Variants in NCOA2 observed in about 807,000 individuals in gnomAD.
The protein encoded by NCOA2 is nuclear receptor coactivator 2.
A neutral mutation model predicts 145.1 loss-of-function variants in NCOA2; 21 were observed. The observed-to-expected ratio is 0.14, with a 90% CI of 0.10 to 0.21. The LOEUF is 0.21. NCOA2 is among the 10% of genes least tolerant of loss of function. NCOA2 has a pLI of 1.00. For synonymous variants in NCOA2, 619 were observed against 637.5 expected (o/e 0.97, Z 0.44); for missense variants, 1,472 against 1,837.6 (o/e 0.80, Z 3.64).
Position 70,156,713 on chromosome 8 carries a change from G to A in NCOA2, c.1652C>T (p.Ser551Leu), listed in dbSNP as rs1326925977. 15 of 1,613,826 alleles carry A rather than the reference G, an allele frequency of 9.3e-6. No homozygotes were observed. The highest frequency in any genetic ancestry group is 2.2e-5 in the East Asian group (1 of 44,884). ...CATTTTTAGGTCTGGTGAAGCCAACGATGACCCTAATGAGACCCCGTGCCC... is the reference window on the plus strand; with the variant it reads ...CATTTTTAGGTCTGGTGAAGCCAACAATGACCCTAATGAGACCCCGTGCCC... The part of the protein sequence containing the change: ...SEGHGVSLGS[S>L]LASPDLKMGN... Residue 551 changes from serine (S) to leucine (L), a missense_variant, in exon 11 of 23, where the codon TCG (serine) becomes TTG (leucine). By Grantham distance (145) the Ser-to-Leu change is moderately radical. Transcript: ENST00000452400.
chr8:70,287,612 A>AAC (rs1826330105), intron 2 of NCOA2, among the ~76,000 whole-genome samples: 1 of 152,224 alleles, frequency 6.6e-6, no homozygotes, highest in Non-Finnish European at 1.5e-5. Flanking sequence ...AGAAAAGCTA[A>AAC]ACACACATCC....
the NCOA2 span, among the ~76,000 whole-genome samples, chr8:70,428,099 C>T: frequency 6.6e-6 from 1 of 152,102 alleles, no homozygotes; most frequent in African/African-American, 2.4e-5. Context: ...AGAAAATTAA[C>T]ATGGTTCTCA....
At chr8:70,143,388 C>A (rs188479415) in intron 13 of NCOA2, among the ~76,000 whole-genome samples, 3 of 152,282 alleles carry the variant, frequency 2.0e-5, no homozygotes. Flanking sequence ...CTCATATCTT[C>A]TTGTATTCTG....
At chr8:70,226,820 A>G (rs929371892) in intron 2 of NCOA2, among the ~76,000 whole-genome samples, 5 of 151,960 alleles carry the variant, frequency 3.3e-5, no homozygotes, top group Admixed American at 6.6e-5. Flanking sequence ...TTTTTCTTCT[A>G]CCAACTCTTT....
chr8:70,342,123 G>A lies in NCOA2; in HGVS notation c.-76-45323C>T, dbSNP rs562779155. Among the ~76,000 whole-genome samples the A allele has an allele frequency of 4.1e-4, 62 of 152,172 alleles. 1 individual carries two copies. Among genetic ancestry groups the A allele is most frequent in the African/African-American group, 1.1e-3 (47 of 41,536 alleles). The stretch of plus-strand genomic sequence containing the variant: ...ACTTCCATGAGCTGATATTACATGC[G>A]TAAGGAATTATTCAGCCAACCAACC... On this transcript the variant is annotated intron_variant, in intron 1 of 22. Coordinates refer to ENST00000452400, the MANE Select transcript of NCOA2 (RefSeq NM_006540.4).
chr8:70,150,751 T>C (rs59898221), intron 11 of NCOA2, among the ~76,000 whole-genome samples: 12,066 of 152,250 alleles, frequency 0.079, 1,604 homozygotes, highest in African/African-American at 0.28. Context: ...ACATAGATTG[T>C]CCTCCAAGGA....
intron 2 of NCOA2, among the ~76,000 whole-genome samples, chr8:70,266,143 C>T (rs1324548069): frequency 2.0e-5 from 3 of 152,160 alleles, no homozygotes; most frequent in Admixed American, 2.0e-4. Context: ...GAGTGAGACT[C>T]CGTCTCAAAA....
chr8:70,201,140 T>C (rs1224051922), intron 4 of NCOA2, among the ~76,000 whole-genome samples: 1 of 151,614 alleles, frequency 6.6e-6, no homozygotes, highest in Non-Finnish European at 1.5e-5. Context: ...ATTATGAATA[T>C]TTACCACAAC....
intron 1 of NCOA2, among the ~76,000 whole-genome samples, chr8:70,331,357 C>T (rs1399279082): frequency 6.6e-6 from 1 of 151,968 alleles, no homozygotes; most frequent in African/African-American, 2.4e-5. Flanking sequence ...TTTATGTGTC[C>T]TTGAATTTAC....
chr8:70,215,776 C>T (rs181172189), intron 3 of NCOA2, among the ~76,000 whole-genome samples: 4 of 152,166 alleles, frequency 2.6e-5, no homozygotes, highest in Admixed American at 1.3e-4. Context: ...TCTCATCCAC[C>T]GAAACAGGTA....
intron 13 of NCOA2, among the ~76,000 whole-genome samples, chr8:70,142,093 G>A (rs1377830014): frequency 6.6e-6 from 1 of 152,194 alleles, no homozygotes; most frequent in Non-Finnish European, 1.5e-5. Flanking sequence ...AGAGCGTAAC[G>A]CTGCTAAGCA....
intron 4 of NCOA2, among the ~76,000 whole-genome samples, chr8:70,202,629 G>T (rs1000072137): frequency 1.3e-5 from 2 of 152,158 alleles, no homozygotes; most frequent in African/African-American, 4.8e-5. Context: ...TTCATATAAG[G>T]TATCCGAAGT....
upstream of NCOA2, among the ~76,000 whole-genome samples, chr8:70,406,718 C>T (rs553759835): frequency 1.7e-4 from 26 of 152,234 alleles, no homozygotes; most frequent in African/African-American, 6.3e-4. Context: ...AATATGACTG[C>T]TACAAGACAA....
At chr8:70,339,252 A>G (rs949418790) in intron 1 of NCOA2, among the ~76,000 whole-genome samples, 1 of 152,096 alleles carries the variant, frequency 6.6e-6, no homozygotes, top group Non-Finnish European at 1.5e-5. Context: ...GGATACATCA[A>G]TGTGCAAAAA....
At chr8:70,456,287 A>G in the NCOA2 span, among the ~76,000 whole-genome samples, 1 of 152,174 alleles carries the variant, frequency 6.6e-6, no homozygotes, top group African/African-American at 2.4e-5. Flanking sequence ...TAAGGGCTAA[A>G]TTTAATTCGT....
At chr8:70,407,126 A>G (rs1814794935), upstream of NCOA2, among the ~76,000 whole-genome samples, 2 of 152,234 alleles carry the variant, frequency 1.3e-5, no homozygotes, top group East Asian at 1.9e-4. Flanking sequence ...TAAATTGCCA[A>G]AGCAAAAATC....
intron 2 of NCOA2, among the ~76,000 whole-genome samples, chr8:70,239,588 A>G (rs970627144): frequency 1.3e-5 from 2 of 152,076 alleles, no homozygotes; most frequent in Non-Finnish European, 2.9e-5. Context: ...TGACAACACC[A>G]TGAGACACTG....
chr8:70,223,295 G>A (rs921293419), intron 2 of NCOA2, among the ~76,000 whole-genome samples: 1 of 152,168 alleles, frequency 6.6e-6, no homozygotes, highest in African/African-American at 2.4e-5. Context: ...ATTTTGTTAT[G>A]AGATTAAAAA....
At chr8:70,261,586 TATAATA>T (rs575587018) in intron 2 of NCOA2, among the ~76,000 whole-genome samples, 12 of 151,060 alleles carry the variant, frequency 7.9e-5, no homozygotes, top group African/African-American at 2.4e-4. Context: ...AAACTTAAAG[TATAATA>T]ATAATAATAA....
Sources: gnomAD v4.1 joint callset for allele counts (sites outside exome capture counted in the v4.1 genomes callset) on GRCh38, gnomAD v4.1.1 for gene constraint, MANE v1.5 for transcripts, NCBI Gene and HGNC (gene_info 2026-07-23, HGNC 2026-07-21) for gene names.